The following MANSC4 variants were observed in gnomAD, a reference collection of about 807,000 sequenced individuals.
The protein encoded by MANSC4 is MANSC domain-containing protein 4.
MANSC4 carries 11 observed loss-of-function variants against 11.4 expected under a neutral mutation model. The ratio of observed to expected loss-of-function variants is 0.97; its 90% CI spans 0.61 to 1.60. The LOEUF is 1.60. Among genes scored for constraint, MANSC4 ranks in the 40% most tolerant of loss-of-function variants. MANSC4 has a pLI of 0.00. For synonymous variants in MANSC4, 123 were observed against 147.1 expected, an observed-to-expected ratio of 0.84 and a Z score of 1.19; for missense variants, 354 against 404.6, an observed-to-expected ratio of 0.88 and a Z score of 1.07.
chr12:27,765,174 T>C (rs2062066971), intron 3 of MANSC4, among the ~76,000 whole-genome samples: 1 of 152,210 alleles, frequency 6.6e-6, no homozygotes, highest in South Asian at 2.1e-4. Context: ...CTTCATTTCC[T>C]TTTATTAAAA....
intron 3 of MANSC4, among the ~76,000 whole-genome samples, chr12:27,766,041 A>G (rs185982313): frequency 8.0e-5 from 12 of 149,712 alleles, no homozygotes; most frequent in Admixed American, 4.0e-4. Context: ...CATTTTCTTT[A>G]TCTCCTAGTG....
chr12:27,775,649 G>A (rs113470260), intron 1 of MANSC4, among the ~76,000 whole-genome samples: 42 of 152,078 alleles, frequency 2.8e-4, no homozygotes, highest in Middle Eastern at 3.4e-3. Context: ...CAATCCTCCC[G>A]CCCTGGCCTC....
chr12:27,778,500 G>A (rs376521689), intron 1 of MANSC4, among the ~76,000 whole-genome samples: 2 of 151,826 alleles, frequency 1.3e-5, no homozygotes, highest in East Asian at 3.9e-4. Context: ...TAGGGGAAAT[G>A]TACTTATGAA....
intron 2 of MANSC4, among the ~76,000 whole-genome samples, chr12:27,767,841 G>C (rs1392041676): frequency 6.6e-6 from 1 of 152,198 alleles, no homozygotes; most frequent in Admixed American, 6.5e-5. Flanking sequence ...AAGAAGAAGA[G>C]GGAGTAGTGG....
intron 1 of MANSC4, among the ~76,000 whole-genome samples, chr12:27,777,145 A>C (rs1440615516): frequency 1.3e-5 from 2 of 152,196 alleles, no homozygotes; most frequent in Non-Finnish European, 2.9e-5. Flanking sequence ...TCCCTGTCCA[A>C]CCTCATCTTA....
At position 27,763,503 on chromosome 12, in the gene MANSC4, C is replaced by T. The variant is rs547587940; in HGVS notation, c.365-107G>A. The T allele has an allele frequency of 1.3e-4, 135 of 1,032,106 alleles. No individual in the cohort carries two copies. The East Asian group carries it at 2.3e-3, about 18-fold the overall frequency. 63.9% of individuals were successfully genotyped at this position (1,032,106 alleles called of 1,614,324 possible). ...GCTTTTGCCGCTATGAGTTATCGAA[C>T]GAAGCTAAATTCACGTTCTACTACC... On this transcript the variant is annotated intron_variant, in intron 3 of 3. Coordinates refer to ENST00000381273, the MANE Select transcript of MANSC4 (RefSeq NM_001146221.5).
rs1304474569 is a variant in MANSC4 at position 27,771,215 on chromosome 12, T to C, written c.62A>G (p.Asp21Gly). The C allele has an allele frequency of 1.3e-6, 2 of 1,551,572 alleles. No individual in the cohort carries two copies. The highest frequency in any genetic ancestry group is 1.4e-5 in the African/African-American group (1 of 72,956). Residue 21 changes from aspartate to glycine, a missense_variant, in exon 2 of 4, where the codon GAC (aspartate) becomes GGC (glycine). Asp to Gly is a moderately conservative substitution (Grantham distance 94). Coordinates refer to ENST00000381273, the MANE Select transcript of MANSC4 (RefSeq NM_001146221.5). ...AAAAATTGTGGGTGAGCAGAGAGAG[T>C]CTGATGTCCACCCCATGCTTAGGAG... ...ILLLSMGWTS[D>G]SLCSPTIFYR...
intron 1 of MANSC4, among the ~76,000 whole-genome samples, chr12:27,773,866 G>T (rs1230981472): frequency 6.6e-6 from 1 of 152,142 alleles, no homozygotes; most frequent in East Asian, 1.9e-4. Context: ...AACAGGAATA[G>T]GCCAGGCATG....
At chr12:27,773,805 C>T (rs1355235469) in intron 1 of MANSC4, among the ~76,000 whole-genome samples, 2 of 152,162 alleles carry the variant, frequency 1.3e-5, no homozygotes, top group Non-Finnish European at 2.9e-5. Flanking sequence ...TCATTTAAAT[C>T]ACTCCATAAG....
intron 1 of MANSC4, among the ~76,000 whole-genome samples, chr12:27,772,188 G>A (rs553381844): frequency 4.6e-5 from 7 of 152,324 alleles, no homozygotes; most frequent in Non-Finnish European, 8.8e-5. Flanking sequence ...TTGCTTTTGT[G>A]AAAGTTGTGG....
chr12:27,776,465 C>A (rs1286632225), intron 1 of MANSC4, among the ~76,000 whole-genome samples: 1 of 152,048 alleles, frequency 6.6e-6, no homozygotes, highest in Non-Finnish European at 1.5e-5. Flanking sequence ...TGTGGTGGCT[C>A]ATACCTGTAA....
chr12:27,773,811 A>G lies in MANSC4; in HGVS notation c.-306-2229T>C, dbSNP rs557685553. On this transcript the variant is annotated intron_variant, in intron 1 of 3. Coordinates refer to ENST00000381273, the MANE Select transcript of MANSC4 (RefSeq NM_001146221.5). ...ACTTTTATCTCATTTAAATCACTCCATAAGCTTTGATGAAAGGAAGATACT... is the reference window on the plus strand; with the variant it reads ...ACTTTTATCTCATTTAAATCACTCCGTAAGCTTTGATGAAAGGAAGATACT... Among the ~76,000 whole-genome samples, 6 of 152,344 alleles carry G rather than the reference A, an allele frequency of 3.9e-5. No individual in the cohort carries two copies. The South Asian group carries it at 8.3e-4, about 21-fold the overall frequency.
intron 1 of MANSC4, among the ~76,000 whole-genome samples, chr12:27,773,386 AG>A (rs1391471063): frequency 6.6e-6 from 1 of 150,928 alleles, no homozygotes; most frequent in African/African-American, 2.5e-5. Flanking sequence ...GCAGAGGTAG[AG>A]GGAGGCATCC....
Position 27,763,243 on chromosome 12 carries a change from G to A in MANSC4, c.518C>T (p.Ala173Val). 6.4e-7 allele frequency: 1 copy of A among 1,551,690 alleles called. No individual in the cohort carries two copies. The highest frequency in any genetic ancestry group is 1.2e-5 in the South Asian group (1 of 84,060). Residue 173 changes from alanine (A) to valine (V), a missense_variant, in exon 4 of 4, where the codon GCT becomes GTT. By Grantham distance (64) the Ala-to-Val change is moderately conservative. Coordinates refer to ENST00000381273, the MANE Select transcript of MANSC4 (RefSeq NM_001146221.5). ...ATCTTGATGCGTGGTTGAGGATGGA[G>A]CCTCTGTGGATGGCAGCATACCATT... is the stretch of plus-strand genomic sequence containing the variant. Reference protein sequence around the residue: ...TINGMLPSTEAPSSTTHQDLV... With the variant: ...TINGMLPSTEVPSSTTHQDLV...
chr12:27,775,945 C>T (rs1468901461), intron 1 of MANSC4, among the ~76,000 whole-genome samples: 5 of 151,620 alleles, frequency 3.3e-5, no homozygotes, highest in Admixed American at 3.3e-4. Flanking sequence ...CAAAAATTAG[C>T]CAGGCGTGGT....
At chr12:27,767,043 G>A (rs1213206445) in intron 2 of MANSC4, among the ~76,000 whole-genome samples, 2 of 152,168 alleles carry the variant, frequency 1.3e-5, no homozygotes, top group East Asian at 1.9e-4. Context: ...GCAGTGGTGC[G>A]ATTACAGCTC....
rs988541044 is a variant in MANSC4, at chr12:27,780,112, G to A, written c.-307+98C>T. Reference sequence around the variant, plus strand: ...CGCGCTCCGCCGGCCCTTTTTTGGCGCTGAGGGAAAGGAGAAGGGCAGGGC... The same window carrying A: ...CGCGCTCCGCCGGCCCTTTTTTGGCACTGAGGGAAAGGAGAAGGGCAGGGC... On this transcript the variant is annotated intron_variant, in intron 1 of 3. Coordinates refer to ENST00000381273, the MANE Select transcript of MANSC4 (RefSeq NM_001146221.5). This position sits in a 1 kb window ranked among gnomAD's most constrained non-coding sequence, Gnocchi z 8.8. 1.7e-4 allele frequency: 32 copies of A among 188,402 alleles called. No individual in the cohort carries two copies. Among genetic ancestry groups the A allele is most frequent in the Middle Eastern group, 2.2e-3 (1 of 464 alleles). 11.7% of individuals were successfully genotyped at this position (188,402 alleles called of 1,614,324 possible).
chr12:27,766,639 A>G (rs760319924), intron 3 of MANSC4, 26 bp downstream of exon 3: 1 of 1,546,628 alleles, frequency 6.5e-7, no homozygotes, highest in South Asian at 1.2e-5. Flanking sequence ...GCATTCTTTT[A>G]AAGTCTTGAA....
chr12:27,770,985 A>G lies in MANSC4; in HGVS notation c.229+63T>C. 2.3e-6 allele frequency: 3 copies of G among 1,285,146 alleles called. No individual in the cohort carries two copies. The South Asian group carries it at 4.4e-5, about 19-fold the overall frequency. The allele number at this position is 1,285,146 out of a possible 1,614,324, so 79.6% of individuals were successfully genotyped here. A position where few individuals can be genotyped will look rare whatever the true frequency, so the allele number is the denominator to read the frequency against. On this transcript the variant is annotated intron_variant, in intron 2 of 3. Transcript: ENST00000381273. ...TACTGGCCTCTGCCTAAGGCTCCTC[A>G]CTTAGGGCTTCATCCTTGGAAGTTT...
Sources: gnomAD v4.1 joint callset for allele counts (sites outside exome capture counted in the v4.1 genomes callset) on GRCh38, gnomAD v4.1.1 for gene constraint, Gnocchi (gnomAD v3.1) non-coding constraint, MANE v1.5 for transcripts, NCBI Gene and HGNC (gene_info 2026-07-23, HGNC 2026-07-21) for gene names.